The following KIF16B variants were observed in gnomAD, a reference collection of about 807,000 sequenced individuals.
KIF16B encodes kinesin-like protein KIF16B.
Under a neutral mutation model 156.3 loss-of-function variants are expected in KIF16B, and 98 were observed. The observed-to-expected ratio is 0.63, with a 90% CI of 0.53 to 0.74. The LOEUF is 0.74. Among genes scored for constraint, KIF16B ranks in the 30% least tolerant of loss-of-function variants. The probability of loss-of-function intolerance (pLI) is 0.00; values close to 1 mark genes in which losing one functional copy is unlikely to be tolerated. For missense variants in KIF16B, 1,421 were observed against 1,606.5 expected, an observed-to-expected ratio of 0.88 and a Z score of 1.97; for synonymous variants, 564 against 583.7, an observed-to-expected ratio of 0.97 and a Z score of 0.49.
chr20:16,421,384 C>A (rs1159578500), intron 15 of KIF16B, among the ~76,000 whole-genome samples: 1 of 151,964 alleles, frequency 6.6e-6, no homozygotes, highest in Non-Finnish European at 1.5e-5. Context: ...CTGATATAAC[C>A]CCCTCCTTCT....
chr20:16,493,160 C>T (rs531494908), intron 12 of KIF16B, among the ~76,000 whole-genome samples: 13 of 152,308 alleles, frequency 8.5e-5, no homozygotes, highest in Admixed American at 7.8e-4. Flanking sequence ...TCACTTGTTG[C>T]AGTACATAAG....
chr20:16,381,635 A>G, intron 18 of KIF16B, 59 bp downstream of exon 18: 1 of 1,308,714 alleles, frequency 7.6e-7, no homozygotes, highest in Non-Finnish European at 1.1e-6. Context: ...TCAGTCCAGG[A>G]TATTAACACA....
At chr20:16,275,359 T>C (rs879433819) in intron 25 of KIF16B, among the ~76,000 whole-genome samples, 22 of 152,180 alleles carry the variant, frequency 1.4e-4, no homozygotes, top group Non-Finnish European at 2.8e-4. Flanking sequence ...CCCGGCCAGA[T>C]AAACTGTACA....
chr20:16,364,960 A>T (rs1231020295), intron 22 of KIF16B, among the ~76,000 whole-genome samples: 1 of 152,236 alleles, frequency 6.6e-6, no homozygotes, highest in Non-Finnish European at 1.5e-5. Flanking sequence ...TACCTGTGCG[A>T]ATAAGCACAT....
intron 25 of KIF16B, among the ~76,000 whole-genome samples, chr20:16,296,005 G>C (rs1008790310): frequency 2.0e-5 from 3 of 152,128 alleles, no homozygotes; most frequent in Non-Finnish European, 4.4e-5. Flanking sequence ...TCTATCTGAC[G>C]CTTCTCCCAG....
chr20:16,460,745 A>G (rs2067325571), intron 12 of KIF16B, among the ~76,000 whole-genome samples: 1 of 152,184 alleles, frequency 6.6e-6, no homozygotes, highest in Non-Finnish European at 1.5e-5. Flanking sequence ...CAGAAAAAAA[A>G]AGTATTATGT....
intron 23 of KIF16B, among the ~76,000 whole-genome samples, chr20:16,355,052 A>T (rs547839454): frequency 6.6e-6 from 1 of 152,204 alleles, no homozygotes; most frequent in East Asian, 1.9e-4. Context: ...TCTAACGGAA[A>T]ACTTAGTATA....
chr20:16,392,914 T>C (rs1158769121), intron 17 of KIF16B, among the ~76,000 whole-genome samples: 1 of 152,186 alleles, frequency 6.6e-6, no homozygotes, highest in Non-Finnish European at 1.5e-5. Context: ...TATATAAAGA[T>C]TAATTGAAAT....
intron 12 of KIF16B, among the ~76,000 whole-genome samples, chr20:16,482,098 T>C (rs930348992): frequency 6.6e-6 from 1 of 152,194 alleles, no homozygotes; most frequent in Admixed American, 6.5e-5. Context: ...TATAGTCATC[T>C]TCCTCCTTGG....
rs547460344 is a variant in KIF16B at position 16,442,390 on chromosome 20, G to A, written c.1303-12408C>T. Among the ~76,000 whole-genome samples, 150 of 148,088 alleles carry A rather than the reference G, an allele frequency of 1.0e-3. No homozygotes were observed. The South Asian group carries it at 0.012, about 12-fold the overall frequency. On this transcript the variant is annotated intron_variant, in intron 12 of 25. Transcript: ENST00000354981. ...TATAAAATAGGTGCCTATCTAATGCGATGCTCAGTGTATATATATACATAC... is the reference window on the plus strand; with the variant it reads ...TATAAAATAGGTGCCTATCTAATGCAATGCTCAGTGTATATATATACATAC...
intron 1 of KIF16B, among the ~76,000 whole-genome samples, chr20:16,571,160 ACCT>A (rs1387707427): frequency 5.9e-5 from 9 of 151,976 alleles, no homozygotes; most frequent in Non-Finnish European, 1.0e-4. Context: ...AAACCTGTTC[ACCT>A]CCTTCAGCAT....
At chr20:16,409,170 G>C (rs1265213082) in intron 15 of KIF16B, among the ~76,000 whole-genome samples, 1 of 152,088 alleles carries the variant, frequency 6.6e-6, no homozygotes, top group East Asian at 1.9e-4. Context: ...ACTAGAGAAG[G>C]ATATCTTCAA....
At chr20:16,562,127 A>G (rs558461198) in intron 1 of KIF16B, among the ~76,000 whole-genome samples, 3 of 152,348 alleles carry the variant, frequency 2.0e-5, no homozygotes, top group African/African-American at 7.2e-5. Context: ...TTGCAACTTT[A>G]CTATAAATCT....
At chr20:16,350,573 G>A (rs533120920) in intron 23 of KIF16B, among the ~76,000 whole-genome samples, 25 of 152,116 alleles carry the variant, frequency 1.6e-4, no homozygotes, top group Admixed American at 6.5e-4. Flanking sequence ...GGGAGGCTTT[G>A]GCATGCTTGG....
chr20:16,512,870 A>C lies in KIF16B; in HGVS notation c.402T>G (p.Asn134Lys). The change falls in exon 5 of 26, where the codon AAT (asparagine) becomes AAG (lysine). Residue 134 changes from asparagine (N) to lysine (K), a missense_variant. Asn to Lys is a moderately conservative substitution (Grantham distance 94). Coordinates refer to ENST00000354981, the MANE Select transcript of KIF16B (RefSeq NM_024704.5). ...RICEGLFSRI[N>K]ETTRWDEASF... Reference sequence around the variant, plus strand: ...AAGCTTCATCCCATCTGGTGGTTTCATTTATCCGACTGAAGAGTCCTTCAC... The same window carrying C: ...AAGCTTCATCCCATCTGGTGGTTTCCTTTATCCGACTGAAGAGTCCTTCAC... The C allele has an allele frequency of 6.2e-7, 1 of 1,614,070 alleles. No individual in the cohort carries two copies. Among genetic ancestry groups the C allele is most frequent in the East Asian group, 2.2e-5 (1 of 44,878 alleles).
intron 1 of KIF16B, among the ~76,000 whole-genome samples, chr20:16,542,704 C>A (rs1051207827): frequency 6.6e-6 from 1 of 152,076 alleles, no homozygotes; most frequent in Admixed American, 6.5e-5. Context: ...AAGAGAGAAA[C>A]GGAAACAAAG....
chr20:16,355,506 T>C (rs188963172), intron 23 of KIF16B, among the ~76,000 whole-genome samples: 2 of 152,242 alleles, frequency 1.3e-5, no homozygotes, highest in East Asian at 1.9e-4. Context: ...CAAAACCACC[T>C]ACAGCCTCCA....
chr20:16,355,466 T>C (rs2064420397), intron 23 of KIF16B, among the ~76,000 whole-genome samples: 1 of 152,182 alleles, frequency 6.6e-6, no homozygotes, highest in Non-Finnish European at 1.5e-5. Flanking sequence ...GAACTCAGTG[T>C]CCAGATTCAT....
chr20:16,322,289 T>C (rs1465519430), intron 24 of KIF16B, among the ~76,000 whole-genome samples: 1 of 151,998 alleles, frequency 6.6e-6, no homozygotes, highest in Non-Finnish European at 1.5e-5. Flanking sequence ...CCTTCTTCAG[T>C]GCTTGTGAAG....
Sources: allele counts gnomAD v4.1 joint callset (sites outside exome capture counted in the v4.1 genomes callset), GRCh38; gene constraint gnomAD v4.1.1; transcripts MANE v1.5; gene names NCBI Gene and HGNC (gene_info 2026-07-23, HGNC 2026-07-21).